TCTN1: variants seen among roughly 807,000 people sequenced by gnomAD.
TCTN1 encodes the protein tectonic-1.
Under a neutral mutation model 65.8 loss-of-function variants are expected in TCTN1, and 58 were observed. The ratio of observed to expected loss-of-function variants is 0.88; its 90% CI spans 0.71 to 1.10. The LOEUF (loss-of-function observed/expected upper bound fraction) is 1.10. TCTN1 is among the 50% of genes least tolerant of loss of function. The pLI is 0.00. For synonymous variants in TCTN1, 273 were observed against 289.1 expected (o/e 0.94, Z 0.57); for missense variants, 645 against 719.4 (o/e 0.90, Z 1.18).
At position 110,640,332 on chromosome 12, in the gene TCTN1, C is replaced by T; in HGVS notation, c.844-51C>T. On this transcript the variant is annotated intron_variant, in intron 7 of 14. Coordinates refer to ENST00000397659, the MANE Select transcript of TCTN1 (RefSeq NM_001082538.3). The surrounding 1 kb of genome is among the most constrained non-coding windows in gnomAD (Gnocchi z 4.9). Reference sequence around the variant, plus strand: ...TTTCCAGTTGGTTGGTTATTTTAGCCCATCCTCCCTGGGTAGAGCATCTTC... The same window carrying T: ...TTTCCAGTTGGTTGGTTATTTTAGCTCATCCTCCCTGGGTAGAGCATCTTC... 1 of 1,613,348 alleles carries T rather than the reference C, an allele frequency of 6.2e-7. No homozygotes were observed. The highest frequency in any genetic ancestry group is 8.5e-7 in the Non-Finnish European group (1 of 1,179,636).
intron 9 of TCTN1, 43 bp from the exon 10 acceptor site, chr12:110,641,499 T>C: frequency 6.4e-7 from 1 of 1,562,622 alleles, no homozygotes; most frequent in Non-Finnish European, 8.8e-7. Flanking sequence ...ATTTCCTTAT[T>C]AAAATGAGAA....
Position 110,642,402 on chromosome 12 carries a change from C to G in TCTN1, c.1331+13C>G. On this transcript the variant is annotated intron_variant, in intron 11 of 14. Coordinates refer to ENST00000397659, the MANE Select transcript of TCTN1 (RefSeq NM_001082538.3). ...GCTGTAAACTAAGGTAAAAGAGTCA[C>G]TTGTTTCTGTTTGAACTTGTGCTGA... 6.2e-7 allele frequency: 1 copy of G among 1,614,176 alleles called. No homozygotes were observed. The highest frequency in any genetic ancestry group is 8.5e-7 in the Non-Finnish European group (1 of 1,180,032).
At position 110,614,164 on chromosome 12, in the gene TCTN1, C is replaced by G. The variant is rs773061089; in HGVS notation, c.-19C>G. ...AACGCGCTGTCCATGTCGCGGGCCT[C>G]GCTGGGACTCCCTGGGAGATGAGGC... On this transcript the variant is annotated 5_prime_UTR_variant, in exon 1 of 15. Coordinates refer to ENST00000397659, the MANE Select transcript of TCTN1 (RefSeq NM_001082538.3). 6.5e-7 allele frequency: 1 copy of G among 1,548,172 alleles called. No homozygotes were observed. Among genetic ancestry groups the G allele is most frequent in the Non-Finnish European group, 8.7e-7 (1 of 1,147,502 alleles).
rs2066425210 is a variant in TCTN1 at position 110,634,419 on chromosome 12, G to T, written c.713-251G>T. The T allele has an allele frequency of 5.5e-6, 3 of 544,740 alleles. No homozygotes were observed. In the East Asian group the frequency reaches 1.3e-4, roughly 24 times the overall value. The allele number at this position is 544,740 out of a possible 1,614,324, so 33.7% of individuals were successfully genotyped here. A position where few individuals can be genotyped will look rare whatever the true frequency, so the allele number is the denominator to read the frequency against. ...AGGCCAGGCGTACTGGTTCACACCT[G>T]TAATCCCAGCACTCTGGGAGGCCGA... On this transcript the variant is annotated intron_variant, in intron 5 of 14. Transcript: ENST00000397659.
chr12:110,624,898 A>G (rs2065725862), intron 2 of TCTN1, among the ~76,000 whole-genome samples: 1 of 151,754 alleles, frequency 6.6e-6, no homozygotes, highest in African/African-American at 2.4e-5. Context: ...CATAACTTGT[A>G]AGCACTAAAC....
At chr12:110,636,286 C>A in intron 6 of TCTN1, 195 bp from the exon 7 acceptor site, 1 of 517,220 alleles carries the variant, frequency 1.9e-6, no homozygotes, top group Non-Finnish European at 3.5e-6. Flanking sequence ...AAGGAAAACG[C>A]AATGTGACCT....
At chr12:110,647,445 T>C (rs944424641) in intron 13 of TCTN1, 109 bp downstream of exon 13, 9 of 1,410,936 alleles carry the variant, frequency 6.4e-6, no homozygotes, top group African/African-American at 1.4e-5. Context: ...ATTTAAACCA[T>C]GGGGGTTCAT....
intron 9 of TCTN1, 38 bp from the exon 10 acceptor site, chr12:110,641,504 T>G: frequency 3.8e-6 from 6 of 1,569,682 alleles, no homozygotes; most frequent in Non-Finnish European, 5.3e-6. Context: ...CTTATTAAAA[T>G]GAGAATTATT....
intron 2 of TCTN1, among the ~76,000 whole-genome samples, chr12:110,622,416 A>G (rs1004211107): frequency 2.6e-5 from 4 of 152,268 alleles, no homozygotes; most frequent in Admixed American, 1.3e-4. Flanking sequence ...CAAAGAGCTT[A>G]CCGTCGAGTA....
intron 2 of TCTN1, among the ~76,000 whole-genome samples, chr12:110,624,579 ACTT>A (rs1241130017): frequency 7.1e-6 from 1 of 140,712 alleles, no homozygotes; most frequent in Non-Finnish European, 1.5e-5. Flanking sequence ...TTAACTCATA[ACTT>A]CTTTTTTTTT....
Position 110,645,114 on chromosome 12 carries a change from GT to G in TCTN1, c.1480del (p.Ser494HisfsTer21), listed in dbSNP as rs1426247417. On this transcript the variant is annotated frameshift_variant, in exon 12 of 15. Coordinates refer to ENST00000397659, the MANE Select transcript of TCTN1 (RefSeq NM_001082538.3). LOFTEE classifies it high-confidence loss of function. ...GGGTGCCCATCCACTTCATCACCCA[GT>G]CATTCAACAGGAAGGTAAAGGGGAG... Reference protein sequence around the residue: ...DWVPIHFITQSFNRKHFVLQD... With the variant: ...DWVPIHFITQXFNRKHFVLQD... 3 of 1,613,944 alleles carry G rather than the reference GT, an allele frequency of 1.9e-6. No individual in the cohort carries two copies. Among genetic ancestry groups the G allele is most frequent in the Non-Finnish European group, 2.5e-6 (3 of 1,180,000 alleles).
intron 1 of TCTN1, chr12:110,616,152 T>G (rs2065017186): frequency 3.8e-6 from 1 of 263,198 alleles, no homozygotes; most frequent in Non-Finnish European, 8.1e-6. Flanking sequence ...TAATGCATTT[T>G]CTCTCCAAAA....
chr12:110,641,325 T>C (rs775979443), intron 9 of TCTN1, among the ~76,000 whole-genome samples, 176 bp downstream of exon 9: 3 of 152,244 alleles, frequency 2.0e-5, no homozygotes, highest in South Asian at 2.1e-4. Context: ...GTATCTTTTT[T>C]CCTTTTGGGA....
intron 3 of TCTN1, chr12:110,627,828 T>C (rs1401155310): frequency 3.3e-6 from 2 of 598,720 alleles, no homozygotes; most frequent in Non-Finnish European, 3.0e-6. Context: ...TATCAGGATA[T>C]CAAAGATCAG....
intron 7 of TCTN1, among the ~76,000 whole-genome samples, chr12:110,637,238 AAG>A (rs2066633711): frequency 6.6e-6 from 1 of 152,184 alleles, no homozygotes; most frequent in African/African-American, 2.4e-5. Flanking sequence ...AGTGGATGGT[AAG>A]CGTCCGTGCA....
intron 4 of TCTN1, chr12:110,630,294 G>T (rs1454688242): frequency 6.6e-6 from 1 of 152,212 alleles, no homozygotes; most frequent in Non-Finnish European, 1.5e-5. Context: ...TGATAAACTT[G>T]TATTTTGTCT....
chr12:110,642,188 T>C, intron 10 of TCTN1, 61 bp from the exon 11 acceptor site: 1 of 1,610,798 alleles, frequency 6.2e-7, no homozygotes, highest in Non-Finnish European at 8.5e-7. Flanking sequence ...TGACACTGTC[T>C]TCTTACCTGA....
At chr12:110,636,609 T>C (rs1224776127) in intron 7 of TCTN1, 108 bp downstream of exon 7, 1 of 683,724 alleles carries the variant, frequency 1.5e-6, no homozygotes, top group Non-Finnish European at 2.4e-6. Context: ...GGGGACCTTG[T>C]TGCTAATAGC....
At chr12:110,617,916 G>A (rs1593213049) in intron 1 of TCTN1, among the ~76,000 whole-genome samples, 1 of 152,188 alleles carries the variant, frequency 6.6e-6, no homozygotes, top group Admixed American at 6.5e-5. Flanking sequence ...TGGGATTACA[G>A]GCTTGAGCCA....
Sources: gnomAD v4.1 joint callset for allele counts (sites outside exome capture counted in the v4.1 genomes callset) on GRCh38, gnomAD v4.1.1 for gene constraint, Gnocchi (gnomAD v3.1) non-coding constraint, MANE v1.5 for transcripts, NCBI Gene and HGNC (gene_info 2026-07-23, HGNC 2026-07-21) for gene names.